The following CCDC178 variants were observed in gnomAD, a reference collection of about 807,000 sequenced individuals.
The protein encoded by CCDC178 is coiled-coil domain containing 178.
A neutral mutation model predicts 117.4 loss-of-function variants in CCDC178; 126 were observed. That is an observed-to-expected ratio of 1.07 (90% confidence interval 0.93 to 1.24). The LOEUF (loss-of-function observed/expected upper bound fraction) is 1.24. Among genes scored for constraint, CCDC178 ranks in the 50% most tolerant of loss-of-function variants. CCDC178 has a pLI of 0.00. For missense variants in CCDC178, 1,030 were observed against 986.9 expected, an observed-to-expected ratio of 1.04 and a Z score of -0.59; for synonymous variants, 283 against 313.4, an observed-to-expected ratio of 0.90 and a Z score of 1.02.
chr18:33,001,338 T>C (rs2055628259), intron 21 of CCDC178, among the ~76,000 whole-genome samples: 2 of 151,760 alleles, frequency 1.3e-5, no homozygotes, highest in South Asian at 4.2e-4. Flanking sequence ...GCTAACACAG[T>C]GAAACCCCTA....
intron 12 of CCDC178, among the ~76,000 whole-genome samples, chr18:33,291,282 G>T (rs1315159354): frequency 1.3e-5 from 2 of 151,744 alleles, no homozygotes; most frequent in African/African-American, 4.8e-5. Context: ...TTACCATAAA[G>T]AAATGAAAAA....
At chr18:32,978,930 A>T (rs2055084871) in intron 21 of CCDC178, among the ~76,000 whole-genome samples, 1 of 151,852 alleles carries the variant, frequency 6.6e-6, no homozygotes, top group Non-Finnish European at 1.5e-5. Flanking sequence ...CCAGCTACTC[A>T]GGAGACTGAG....
chr18:32,983,046 T>G (rs1441836740), intron 21 of CCDC178, among the ~76,000 whole-genome samples: 1 of 151,856 alleles, frequency 6.6e-6, no homozygotes. Context: ...GAGGAGGCTA[T>G]GCATGTATGT....
At chr18:33,091,321 A>ATTTTTTTTTTTT (rs1415932731) in intron 21 of CCDC178, among the ~76,000 whole-genome samples, 2 of 18,360 alleles carry the variant, frequency 1.1e-4, no homozygotes, top group Non-Finnish European at 3.6e-4. Flanking sequence ...CACTTATTTC[A>ATTTTTTTTTTTT]TTCTTTTTTT....
At chr18:33,352,714 G>T (rs1375225676) in intron 7 of CCDC178, among the ~76,000 whole-genome samples, 1 of 152,010 alleles carries the variant, frequency 6.6e-6, no homozygotes, top group African/African-American at 2.4e-5. Context: ...ACATATATAT[G>T]AAATTTCCAG....
intron 20 of CCDC178, among the ~76,000 whole-genome samples, chr18:33,096,515 C>T (rs1363044993): frequency 2.6e-5 from 4 of 151,684 alleles, no homozygotes; most frequent in Non-Finnish European, 5.9e-5. Context: ...TAAATAACAA[C>T]TGAGACTTAC....
chr18:33,385,719 A>C (rs2063484595), intron 5 of CCDC178, among the ~76,000 whole-genome samples: 1 of 152,218 alleles, frequency 6.6e-6, no homozygotes, highest in Non-Finnish European at 1.5e-5. Flanking sequence ...AGCAGTGTTA[A>C]GTGGCAAATT....
intron 21 of CCDC178, among the ~76,000 whole-genome samples, chr18:33,037,119 C>A (rs1237946980): frequency 6.6e-6 from 1 of 151,908 alleles, no homozygotes; most frequent in Admixed American, 6.6e-5. Context: ...TAAGCATCGA[C>A]TACTAGAGAA....
At chr18:33,057,051 A>G (rs987319816) in intron 21 of CCDC178, among the ~76,000 whole-genome samples, 4 of 150,714 alleles carry the variant, frequency 2.7e-5, no homozygotes, top group African/African-American at 9.7e-5. Flanking sequence ...ACTTTACAAT[A>G]ACTAACTAAC....
chr18:33,064,427 C>A (rs578109426), intron 21 of CCDC178, among the ~76,000 whole-genome samples: 8 of 152,162 alleles, frequency 5.3e-5, no homozygotes, highest in Non-Finnish European at 1.2e-4. Flanking sequence ...AGCACTCCAA[C>A]AATAGACTAG....
chr18:33,293,173 A>G lies in CCDC178; in HGVS notation c.1162T>C (p.Ser388Pro). 6.3e-7 allele frequency: 1 copy of G among 1,580,400 alleles called. No individual in the cohort carries two copies. Among genetic ancestry groups the G allele is most frequent in the South Asian group, 1.2e-5 (1 of 84,770 alleles). The change falls in exon 12 of 23, where the codon TCT becomes CCT. Residue 388 changes from serine (S) to proline (P), a missense_variant. Coordinates refer to ENST00000383096, the MANE Select transcript of CCDC178 (RefSeq NM_001105528.4). ...GAAAAACTCACCATTTTTGATAGAGAATGTAATTCATTTTTTGATGACTTT... is the reference window on the plus strand; with the variant it reads ...GAAAAACTCACCATTTTTGATAGAGGATGTAATTCATTTTTTGATGACTTT... ...ETKSSKNELH[S>P]LSKMLEDLRR... is the part of the protein sequence containing the mutation.
chr18:33,054,745 T>C (rs1037683550), intron 21 of CCDC178, among the ~76,000 whole-genome samples: 2 of 152,234 alleles, frequency 1.3e-5, no homozygotes, highest in African/African-American at 4.8e-5. Context: ...CTTGCATGCA[T>C]CTTTATAATA....
chr18:33,242,636 T>A, intron 15 of CCDC178, among the ~76,000 whole-genome samples: 1 of 151,224 alleles, frequency 6.6e-6, no homozygotes, highest in Non-Finnish European at 1.5e-5. Flanking sequence ...TCATACAAAT[T>A]GCTAACAAAT....
At chr18:33,406,455 A>G (rs2144879746) in intron 3 of CCDC178, among the ~76,000 whole-genome samples, 1 of 152,200 alleles carries the variant, frequency 6.6e-6, no homozygotes, top group South Asian at 2.1e-4. Flanking sequence ...ATAAAATAAT[A>G]GTATTACAGC....
chr18:32,956,298 A>T (rs1358988963), intron 22 of CCDC178, among the ~76,000 whole-genome samples: 1 of 152,116 alleles, frequency 6.6e-6, no homozygotes, highest in African/African-American at 2.4e-5. Flanking sequence ...TTTTAAACTA[A>T]TTATTTATTT....
At chr18:32,999,084 C>T (rs2055577153) in intron 21 of CCDC178, among the ~76,000 whole-genome samples, 1 of 151,980 alleles carries the variant, frequency 6.6e-6, no homozygotes, top group Non-Finnish European at 1.5e-5. Context: ...CTGGATCTTC[C>T]CTGGACCACA....
intron 11 of CCDC178, among the ~76,000 whole-genome samples, chr18:33,316,498 C>T (rs1360599676): frequency 1.3e-5 from 2 of 152,084 alleles, no homozygotes; most frequent in Non-Finnish European, 2.9e-5. Context: ...CTGCACTGCC[C>T]TAGCCTCCCT....
chr18:32,988,279 T>C (rs945394363), intron 21 of CCDC178, among the ~76,000 whole-genome samples: 1 of 151,028 alleles, frequency 6.6e-6, no homozygotes, highest in African/African-American at 2.4e-5. Flanking sequence ...CTGTTATAAA[T>C]ACAAAAATTA....
chr18:33,310,585 C>T (rs1198161543), intron 11 of CCDC178, among the ~76,000 whole-genome samples: 2 of 151,872 alleles, frequency 1.3e-5, no homozygotes, highest in African/African-American at 4.8e-5. Context: ...ATTCAAGGGG[C>T]TAGGGAGGGA....
Sources: gnomAD v4.1 joint callset for allele counts (sites outside exome capture counted in the v4.1 genomes callset) on GRCh38, gnomAD v4.1.1 for gene constraint, MANE v1.5 for transcripts, NCBI Gene and HGNC (gene_info 2026-07-23, HGNC 2026-07-21) for gene names.